SAMD12: variants seen among roughly 807,000 people sequenced by gnomAD.
The protein encoded by SAMD12 is sterile alpha motif domain-containing protein 12.
Under a neutral mutation model 15.0 loss-of-function variants are expected in SAMD12, and 9 were observed. The observed-to-expected ratio is 0.60, with a 90% confidence interval of 0.36 to 1.05. SAMD12 has a LOEUF of 1.05. Among genes scored for constraint, SAMD12 ranks in the 50% least tolerant of loss-of-function variants. The pLI is 0.01. For missense variants in SAMD12, 230 were observed against 234.2 expected, an observed-to-expected ratio of 0.98 and a Z score of 0.12; for synonymous variants, 86 against 90.1, an observed-to-expected ratio of 0.96 and a Z score of 0.25.
chr8:118,245,795 G>A (rs1812676322), intron 4 of SAMD12, among the ~76,000 whole-genome samples: 1 of 152,112 alleles, frequency 6.6e-6, no homozygotes, highest in African/African-American at 2.4e-5. Context: ...CAGTTGTAAG[G>A]GAAGTCTCAG....
intron 2 of SAMD12, among the ~76,000 whole-genome samples, chr8:118,444,510 C>T (rs1372808103): frequency 6.6e-6 from 1 of 151,620 alleles, no homozygotes; most frequent in Admixed American, 6.6e-5. Flanking sequence ...AATACACATT[C>T]CTGAGAGAAT....
intron 4 of SAMD12, among the ~76,000 whole-genome samples, chr8:118,319,579 T>C (rs1362318088): frequency 6.6e-6 from 1 of 152,190 alleles, no homozygotes; most frequent in African/African-American, 2.4e-5. Context: ...TATAAATTGA[T>C]ATTATGCTCC....
At chr8:118,461,246 AC>A (rs1823412949) in intron 2 of SAMD12, among the ~76,000 whole-genome samples, 1 of 152,152 alleles carries the variant, frequency 6.6e-6, no homozygotes, top group Non-Finnish European at 1.5e-5. Context: ...TCATTTCCAT[AC>A]TTCGCATGGT....
chr8:118,621,521 C>T, intron 1 of SAMD12: 1 of 486,894 alleles, frequency 2.1e-6, no homozygotes, highest in Non-Finnish European at 3.7e-6. Flanking sequence ...CTCCGGCTTT[C>T]CCCCCATTTC....
At chr8:118,165,961 C>T in the SAMD12 span, among the ~76,000 whole-genome samples, 1 of 152,076 alleles carries the variant, frequency 6.6e-6, no homozygotes, top group African/African-American at 2.4e-5. Flanking sequence ...GGTTGGTACA[C>T]TGGGTTTCTC....
intron 4 of SAMD12, among the ~76,000 whole-genome samples, chr8:118,370,667 A>C (rs2130677891): frequency 6.6e-6 from 1 of 152,324 alleles, no homozygotes. Flanking sequence ...CATTATCCTC[A>C]GCAGACTAAT....
intron 2 of SAMD12, among the ~76,000 whole-genome samples, chr8:118,467,861 T>G (rs1317897738): frequency 6.6e-6 from 1 of 152,186 alleles, no homozygotes; most frequent in Non-Finnish European, 1.5e-5. Flanking sequence ...GCCAAGACAC[T>G]CTGTCAATTC....
chr8:118,546,569 G>A (rs1033164101), intron 2 of SAMD12, among the ~76,000 whole-genome samples: 2 of 152,122 alleles, frequency 1.3e-5, no homozygotes, highest in African/African-American at 4.8e-5. Context: ...AAATTTAAAT[G>A]TTTAATCTCT....
chr8:118,353,652 CAT>C (rs1818074211), intron 4 of SAMD12, among the ~76,000 whole-genome samples: 1 of 152,078 alleles, frequency 6.6e-6, no homozygotes, highest in Non-Finnish European at 1.5e-5. Flanking sequence ...GAAACTAAGA[CAT>C]TATTATTTTT....
At chr8:118,171,743 TTTTTTG>T in the SAMD12 span, among the ~76,000 whole-genome samples, 15 of 149,416 alleles carry the variant, frequency 1.0e-4, no homozygotes, top group African/African-American at 3.6e-4. Flanking sequence ...TTTTTTTTTT[TTTTTTG>T]GGTCAGGTCA....
chr8:118,160,002 G>A, the SAMD12 span, among the ~76,000 whole-genome samples: 91 of 152,296 alleles, frequency 6.0e-4, 1 homozygote, highest in African/African-American at 2.1e-3. Flanking sequence ...TTACAGGCGT[G>A]AGCCACTGCG....
At chr8:118,222,458 A>G (rs2514967) in intron 4 of SAMD12, among the ~76,000 whole-genome samples, 85,064 of 152,000 alleles carry the variant, frequency 0.56, 24,687 homozygotes, top group Non-Finnish European at 0.63. Context: ...ATTACCTCAG[A>G]ATGATTTTAT....
intron 2 of SAMD12, among the ~76,000 whole-genome samples, chr8:118,560,569 A>T (rs1401020980): frequency 1.3e-5 from 2 of 152,216 alleles, no homozygotes; most frequent in Admixed American, 1.3e-4. Flanking sequence ...GAAAAACTGA[A>T]AGCTAAAAAC....
chr8:118,374,162 C>A (rs1465924343), downstream of SAMD12, among the ~76,000 whole-genome samples: 1 of 152,022 alleles, frequency 6.6e-6, no homozygotes, highest in Non-Finnish European at 1.5e-5. Flanking sequence ...TCCTCCAAGC[C>A]CTTGTAGCCA....
chr8:118,505,359 TTC>T (rs1378696999), intron 2 of SAMD12, among the ~76,000 whole-genome samples: 6 of 151,788 alleles, frequency 4.0e-5, no homozygotes, highest in African/African-American at 1.4e-4. Flanking sequence ...TTTTTTTTTT[TTC>T]AGGGCAGTAT....
the SAMD12 span, among the ~76,000 whole-genome samples, chr8:118,143,915 G>C: frequency 2.6e-5 from 4 of 152,072 alleles, no homozygotes; most frequent in East Asian, 1.9e-4. Context: ...TCACAAACTT[G>C]CTAGCTCAAA....
intron 4 of SAMD12, among the ~76,000 whole-genome samples, chr8:118,267,342 G>C (rs1454999627): frequency 6.6e-6 from 1 of 152,030 alleles, no homozygotes; most frequent in Non-Finnish European, 1.5e-5. Flanking sequence ...AAATAATTTT[G>C]CTACCTGAAA....
intron 4 of SAMD12, among the ~76,000 whole-genome samples, chr8:118,336,348 G>A (rs1224385810): frequency 6.6e-6 from 1 of 152,160 alleles, no homozygotes; most frequent in Non-Finnish European, 1.5e-5. Flanking sequence ...CTAAAATCAG[G>A]AGCATGGACA....
At position 118,464,587 on chromosome 8, in the gene SAMD12, G is replaced by T. The variant is rs1823531826; in HGVS notation, c.193-24626C>A. 2.0e-5 allele frequency among the ~76,000 whole-genome samples: 3 copies of T among 152,094 alleles called. No homozygotes were observed. In the South Asian group the frequency reaches 6.2e-4, roughly 32 times the overall value. On this transcript the variant is annotated intron_variant, in intron 2 of 3. Transcript: ENST00000314727. ...ATATGCTTCTTCCAAAAGTCAAGAAGGTAAAGAGAAAGCCTTTTGAAAGTA... is the reference window on the plus strand; with the variant it reads ...ATATGCTTCTTCCAAAAGTCAAGAATGTAAAGAGAAAGCCTTTTGAAAGTA...
Sources: allele counts gnomAD v4.1 joint callset (sites outside exome capture counted in the v4.1 genomes callset), GRCh38; gene constraint gnomAD v4.1.1; transcripts MANE v1.5; gene names NCBI Gene and HGNC (gene_info 2026-07-23, HGNC 2026-07-21).